Variants in STARD5 observed in about 807,000 individuals in gnomAD.
STARD5 encodes the protein stAR-related lipid transfer protein 5.
STARD5 carries 26 observed loss-of-function variants against 24.6 expected under a neutral mutation model. That is an observed-to-expected ratio of 1.06 (90% confidence interval 0.77 to 1.47). The LOEUF (loss-of-function observed/expected upper bound fraction) is 1.47. Among genes scored for constraint, STARD5 ranks in the 40% most tolerant of loss-of-function variants. The pLI, the probability that STARD5 is intolerant of heterozygous loss-of-function variation, is 0.00. For missense variants in STARD5, 254 were observed against 270.8 expected (o/e 0.94, Z 0.44); for synonymous variants, 101 against 99.7 (o/e 1.01, Z -0.07).
At chr15:81,323,804 C>T (rs1365455469) in intron 1 of STARD5, 197 bp downstream of exon 1, 1 of 706,888 alleles carries the variant, frequency 1.4e-6, no homozygotes. Flanking sequence ...ATACTTACCA[C>T]CTGAAGTCAT....
At chr15:81,320,793 G>A (rs1417509126) in intron 3 of STARD5, among the ~76,000 whole-genome samples, 1 of 152,108 alleles carries the variant, frequency 6.6e-6, no homozygotes, top group East Asian at 1.9e-4. Context: ...GCCTCCAAGT[G>A]CATCATTCCT....
chr15:81,313,680 G>A (rs1038926395), intron 5 of STARD5: 3 of 256,092 alleles, frequency 1.2e-5, no homozygotes, highest in East Asian at 1.4e-4. Flanking sequence ...CCTGCTGCCC[G>A]ATTCACTCAG....
intron 5 of STARD5, among the ~76,000 whole-genome samples, chr15:81,317,559 C>T (rs761441166): frequency 1.1e-4 from 16 of 152,178 alleles, no homozygotes; most frequent in Non-Finnish European, 2.2e-4. Context: ...AAAGTCTTCA[C>T]ATGATGTCTG....
chr15:81,319,934 G>T lies in STARD5; in HGVS notation c.283-478C>A, dbSNP rs144133198. 5.4e-3 allele frequency among the ~76,000 whole-genome samples: 826 copies of T among 152,286 alleles called. 3 individuals carry two copies. Among genetic ancestry groups the T allele is most frequent in the African/African-American group, 7.3e-3 (303 of 41,558 alleles). ...AGGGAAGAGAGGCCACTCTTTTTTA[G>T]GGCTGACCCTGCACTTGCTCAGCCT... On this transcript the variant is annotated intron_variant, in intron 3 of 5. Transcript: ENST00000302824.
At chr15:81,314,146 T>C (rs1453497578) in intron 5 of STARD5, 1 of 152,222 alleles carries the variant, frequency 6.6e-6, no homozygotes. Context: ...ATGATAGCTA[T>C]AACCCCCAAG....
In STARD5 at chr15:81,311,848, A is replaced by G. The variant is rs535843596; in HGVS notation, c.*1408T>C. 2 of 152,342 alleles carry G rather than the reference A, an allele frequency of 1.3e-5. No homozygotes were observed. The highest frequency in any genetic ancestry group is 3.9e-4 in the East Asian group (2 of 5,190). 9.4% of individuals were successfully genotyped at this position (152,342 alleles called of 1,614,324 possible). Reference sequence around the variant, plus strand: ...TAAAGGATCTTAGGCATGACTGTAGAATTTGTAGTTGCAATAGAACAGAGA... The same window carrying G: ...TAAAGGATCTTAGGCATGACTGTAGGATTTGTAGTTGCAATAGAACAGAGA... On this transcript the variant is annotated 3_prime_UTR_variant, in exon 6 of 6. Transcript: ENST00000302824.
At chr15:81,315,827 G>A (rs1471015840) in intron 5 of STARD5, among the ~76,000 whole-genome samples, 7 of 152,146 alleles carry the variant, frequency 4.6e-5, no homozygotes, top group Non-Finnish European at 7.4e-5. Context: ...GAGTGCAGAC[G>A]ATGCTAAGGC....
intron 1 of STARD5, 71 bp downstream of exon 1, chr15:81,323,930 T>TG: frequency 6.7e-7 from 1 of 1,493,916 alleles, no homozygotes; most frequent in Non-Finnish European, 9.1e-7. Context: ...AGGAGGCGCT[T>TG]GGGGGCTTCT....
In STARD5 at chr15:81,313,117, T is replaced by G; in HGVS notation, c.*139A>C. On this transcript the variant is annotated 3_prime_UTR_variant, in exon 6 of 6. Coordinates refer to ENST00000302824, the MANE Select transcript of STARD5 (RefSeq NM_181900.3). ...GGTGGGCTGCCGCCTCTGGTTGGCA[T>G]TCTCAGAGATGCGCAGTCCATCAGC... 9.3e-7 allele frequency: 1 copy of G among 1,071,396 alleles called. No homozygotes were observed. Among genetic ancestry groups the G allele is most frequent in the Non-Finnish European group, 1.3e-6 (1 of 792,998 alleles). The allele number at this position is 1,071,396 out of a possible 1,614,324, so 66.4% of individuals were successfully genotyped here. A position where few individuals can be genotyped will look rare whatever the true frequency, so the allele number is the denominator to read the frequency against.
At position 81,313,168 on chromosome 15, in the gene STARD5, TCTGCGTG is replaced by T; in HGVS notation, c.*81_*87del. ...TTGTTCCAAAGAGTGAACACAGGCC[TCTGCGTG>T]CTCCCAGGCTCCTTGGTGTCCCAAC... On this transcript the variant is annotated 3_prime_UTR_variant, in exon 6 of 6. Coordinates refer to ENST00000302824, the MANE Select transcript of STARD5 (RefSeq NM_181900.3). 7.1e-7 allele frequency: 1 copy of T among 1,416,548 alleles called. No homozygotes were observed. The highest frequency in any genetic ancestry group is 9.4e-7 in the Non-Finnish European group (1 of 1,069,052). 87.7% of individuals were successfully genotyped at this position (1,416,548 alleles called of 1,614,324 possible).
chr15:81,323,648 A>T (rs956636676), intron 1 of STARD5: 7 of 1,246,244 alleles, frequency 5.6e-6, no homozygotes, highest in East Asian at 4.9e-5. Context: ...CTGCGACCAC[A>T]TTCTTTCATT....
rs188803559 is a variant in STARD5, at chr15:81,316,326, T to C, written c.494+2083A>G. On this transcript the variant is annotated intron_variant, in intron 5 of 5. Coordinates refer to ENST00000302824, the MANE Select transcript of STARD5 (RefSeq NM_181900.3). ...CACGAGATAGAACTACTTACATTTG[T>C]GTTTTGTCTGTCTCCTCCTGCCTTC... 3.0e-3 allele frequency among the ~76,000 whole-genome samples: 460 copies of C among 152,314 alleles called. 2 individuals carry two copies. Among genetic ancestry groups the C allele is most frequent in the African/African-American group, 0.011 (439 of 41,552 alleles).
In STARD5 at chr15:81,312,828, C is replaced by T. The variant is rs1900935370; in HGVS notation, c.*428G>A. On this transcript the variant is annotated 3_prime_UTR_variant, in exon 6 of 6. Transcript: ENST00000302824. ...CACAGGACTGAGGGAGCGGTACATG[C>T]TTAAAAGGCAACAGGGCCTGGTTTT... 6.5e-6 allele frequency: 1 copy of T among 153,504 alleles called. No homozygotes were observed. Among genetic ancestry groups the T allele is most frequent in the Non-Finnish European group, 1.5e-5 (1 of 68,736 alleles). 9.5% of individuals were successfully genotyped at this position (153,504 alleles called of 1,614,324 possible).
At chr15:81,313,550 G>GGAC in intron 5 of STARD5, 147 bp from the exon 6 acceptor site, 2 of 670,014 alleles carry the variant, frequency 3.0e-6, no homozygotes, top group African/African-American at 1.9e-5. Context: ...CCACCCAGGA[G>GGAC]TCCTCTCTGG....
At chr15:81,314,543 C>T (rs1246968980) in intron 5 of STARD5, among the ~76,000 whole-genome samples, 1 of 152,176 alleles carries the variant, frequency 6.6e-6, no homozygotes, top group African/African-American at 2.4e-5. Context: ...TCAGATGTTT[C>T]CTGACATCAT....
intron 5 of STARD5, among the ~76,000 whole-genome samples, chr15:81,315,606 G>C (rs1901065602): frequency 6.6e-6 from 1 of 152,104 alleles, no homozygotes. Context: ...CTCGACCACA[G>C]ATACAGGCTC....
chr15:81,314,908 A>AAAAAAAAAAAAAC (rs1567054860), intron 5 of STARD5, among the ~76,000 whole-genome samples: 9 of 146,222 alleles, frequency 6.2e-5, no homozygotes, highest in Non-Finnish European at 1.2e-4. Context: ...AAAAAAAAAA[A>AAAAAAAAAAAAAC]AAAAAAAGAA....
chr15:81,319,563 G>A (rs1901153798), intron 3 of STARD5, 107 bp from the exon 4 acceptor site: 5 of 939,346 alleles, frequency 5.3e-6, no homozygotes, highest in Non-Finnish European at 8.6e-6. Flanking sequence ...TGACAGTAGG[G>A]TGGCACTATA....
At chr15:81,323,028 G>C in intron 1 of STARD5, 80 bp from the exon 2 acceptor site, 5 of 1,457,040 alleles carry the variant, frequency 3.4e-6, no homozygotes, top group Non-Finnish European at 4.8e-6. Flanking sequence ...TTCTACAGAA[G>C]AGGGGTAAGA....
Sources: allele counts gnomAD v4.1 joint callset (sites outside exome capture counted in the v4.1 genomes callset), GRCh38; gene constraint gnomAD v4.1.1; transcripts MANE v1.5; gene names NCBI Gene and HGNC (gene_info 2026-07-23, HGNC 2026-07-21).